VASH2: variants seen among roughly 807,000 people sequenced by gnomAD.
VASH2 encodes the protein vasohibin 2.
Under a neutral mutation model 37.2 loss-of-function variants are expected in VASH2, and 28 were observed. The ratio of observed to expected loss-of-function variants is 0.75; its 90% CI spans 0.56 to 1.03. The LOEUF is 1.03. VASH2 is among the 50% of genes least tolerant of loss of function. VASH2 has a pLI of 0.00. For missense variants in VASH2, 419 were observed against 459.1 expected, an observed-to-expected ratio of 0.91 and a Z score of 0.80; for synonymous variants, 188 against 174.7, an observed-to-expected ratio of 1.08 and a Z score of -0.60.
intron 2 of VASH2, among the ~76,000 whole-genome samples, chr1:212,953,640 T>A (rs1249075710): frequency 1.3e-5 from 2 of 152,208 alleles, no homozygotes; most frequent in Non-Finnish European, 2.9e-5. Context: ...GCCTTGTGCC[T>A]CACTTAAGTG....
chr1:212,975,570 ATCTC>A (rs1558149914), intron 7 of VASH2, among the ~76,000 whole-genome samples: 1 of 152,168 alleles, frequency 6.6e-6, no homozygotes, highest in African/African-American at 2.4e-5. Flanking sequence ...CTTACCCTAT[ATCTC>A]TCTCTGTCTT....
intron 7 of VASH2, among the ~76,000 whole-genome samples, chr1:212,982,809 T>C (rs906101342): frequency 6.6e-6 from 1 of 152,164 alleles, no homozygotes; most frequent in African/African-American, 2.4e-5. Flanking sequence ...GGGTACTTAG[T>C]GGAAGGTGGC....
Position 212,990,769 on chromosome 1 carries a change from G to GT in VASH2, c.*2188dup, listed in dbSNP as rs1558156973. On this transcript the variant is annotated 3_prime_UTR_variant, in exon 8 of 8. Transcript: ENST00000517399. ...TTTAGACTAATTTTCCCAAAGCAAG[G>GT]TTTAGTCACACAAACTTGAAAGTAC... 6.6e-6 allele frequency: 1 copy of GT among 152,092 alleles called. No individual in the cohort carries two copies. Among genetic ancestry groups the GT allele is most frequent in the Non-Finnish European group, 1.5e-5 (1 of 68,022 alleles). 9.4% of individuals were successfully genotyped at this position (152,092 alleles called of 1,614,324 possible). A position where few individuals can be genotyped will look rare whatever the true frequency, so the allele number is the denominator to read the frequency against.
chr1:212,956,597 G>T (rs1436947832), intron 2 of VASH2, among the ~76,000 whole-genome samples: 1 of 152,174 alleles, frequency 6.6e-6, no homozygotes, highest in Non-Finnish European at 1.5e-5. Flanking sequence ...AGAAAAAAGG[G>T]ATATGCCCTG....
rs560762034 is a variant in VASH2 at position 212,986,142 on chromosome 1, T to C, written c.996-2370T>C. The stretch of plus-strand genomic sequence containing the variant: ...CTAATTACAAAACCAGGAAAGGTAG[T>C]ATGGAAATAATATTTTACTAGCTCT... On this transcript the variant is annotated intron_variant, in intron 7 of 7. Coordinates refer to ENST00000517399, the MANE Select transcript of VASH2 (RefSeq NM_001301056.2). Among the ~76,000 whole-genome samples the C allele has an allele frequency of 3.3e-5, 5 of 152,318 alleles. No homozygotes were observed. The South Asian group carries it at 1.0e-3, about 32-fold the overall frequency.
chr1:212,956,176 GTAT>G (rs778073503), intron 2 of VASH2, among the ~76,000 whole-genome samples: 1 of 152,140 alleles, frequency 6.6e-6, no homozygotes, highest in Non-Finnish European at 1.5e-5. Flanking sequence ...CTGTCCATCC[GTAT>G]CACTTCCCTT....
At chr1:212,952,650 T>A (rs1276380449) in intron 2 of VASH2, 1 of 152,234 alleles carries the variant, frequency 6.6e-6, no homozygotes, top group Non-Finnish European at 1.5e-5. Context: ...ATACGTTATA[T>A]GAAACATCAA....
At chr1:212,954,777 G>A (rs1056772394) in intron 2 of VASH2, among the ~76,000 whole-genome samples, 20 of 152,274 alleles carry the variant, frequency 1.3e-4, no homozygotes, top group Admixed American at 2.6e-4. Flanking sequence ...TAACTAGAAG[G>A]TTACGCGAAA....
chr1:212,966,247 C>T (rs746163095), intron 4 of VASH2, 24 bp from the exon 5 acceptor site: 1 of 1,548,180 alleles, frequency 6.5e-7, no homozygotes, highest in Admixed American at 2.0e-5. Flanking sequence ...GTTCTGAGAT[C>T]CTCTGCTGTG....
At chr1:212,975,431 A>G (rs1181263428) in intron 7 of VASH2, among the ~76,000 whole-genome samples, 2 of 152,112 alleles carry the variant, frequency 1.3e-5, no homozygotes, top group Non-Finnish European at 2.9e-5. Context: ...TGAAGATGAG[A>G]ACAGTTTTGG....
chr1:212,988,455 T>A, intron 7 of VASH2, 57 bp from the exon 8 acceptor site: 1 of 1,569,332 alleles, frequency 6.4e-7, no homozygotes, highest in African/African-American at 1.3e-5. Flanking sequence ...GAAAATGCTG[T>A]TGTCTTTCTT....
intron 2 of VASH2, among the ~76,000 whole-genome samples, chr1:212,954,480 G>T (rs1572055493): frequency 6.6e-6 from 1 of 152,248 alleles, no homozygotes; most frequent in Non-Finnish European, 1.5e-5. Context: ...GAGTGCAGTG[G>T]TGCGATCTCG....
chr1:212,979,300 CA>C (rs1158280454), intron 7 of VASH2, among the ~76,000 whole-genome samples: 1 of 152,224 alleles, frequency 6.6e-6, no homozygotes, highest in Non-Finnish European at 1.5e-5. Context: ...GGTCTTGACC[CA>C]ATCACTCCAC....
chr1:212,985,198 C>CTTTT (rs55804989), intron 7 of VASH2, among the ~76,000 whole-genome samples: 521 of 100,804 alleles, frequency 5.2e-3, no homozygotes, highest in African/African-American at 0.011. Context: ...ATTTTTTTTG[C>CTTTT]TTTTTTTTTT....
chr1:212,974,340 C>G (rs936679081), intron 7 of VASH2, among the ~76,000 whole-genome samples: 1 of 152,182 alleles, frequency 6.6e-6, no homozygotes, highest in African/African-American at 2.4e-5. Context: ...ATGCAGGTGG[C>G]CCGGAGGGAG....
At chr1:212,972,503 G>A in intron 5 of VASH2, 77 bp from the exon 6 acceptor site, 2 of 1,561,146 alleles carry the variant, frequency 1.3e-6, no homozygotes, top group Non-Finnish European at 1.7e-6. Context: ...TGAACCCTGA[G>A]ACACTTTCCC....
chr1:212,980,055 C>A (rs1452356815), intron 7 of VASH2, among the ~76,000 whole-genome samples: 1 of 152,136 alleles, frequency 6.6e-6, no homozygotes, highest in African/African-American at 2.4e-5. Flanking sequence ...AGTGAGGAGG[C>A]TCCTTGCTAG....
Position 212,951,459 on chromosome 1 carries a change from G to T in VASH2, c.-84G>T. ...CGCGGGGCGCTGATCCCCTCGCCGC[G>T]CCCGCGCGCACACGCCCCCCGCCGC... On this transcript the variant is annotated 5_prime_UTR_variant, in exon 2 of 8. Transcript: ENST00000517399. This position sits in a 1 kb window ranked among gnomAD's most constrained non-coding sequence, Gnocchi z 4.4. 2 of 839,956 alleles carry T rather than the reference G, an allele frequency of 2.4e-6. No individual in the cohort carries two copies. Among genetic ancestry groups the T allele is most frequent in the Non-Finnish European group, 1.5e-6 (1 of 684,904 alleles). 52.0% of individuals were successfully genotyped at this position (839,956 alleles called of 1,614,324 possible).
At chr1:212,979,629 G>A (rs373770567) in intron 7 of VASH2, among the ~76,000 whole-genome samples, 2 of 152,220 alleles carry the variant, frequency 1.3e-5, no homozygotes, top group African/African-American at 2.4e-5. Context: ...AATCCCTTTC[G>A]AGAGGAGGAT....
Sources: allele counts gnomAD v4.1 joint callset (sites outside exome capture counted in the v4.1 genomes callset), GRCh38; gene constraint gnomAD v4.1.1; non-coding constraint Gnocchi (gnomAD v3.1); transcripts MANE v1.5; gene names NCBI Gene and HGNC (gene_info 2026-07-23, HGNC 2026-07-21).